Variants in CFAP54 observed in about 807,000 individuals in gnomAD.
The protein encoded by CFAP54 is cilia and flagella associated protein 54, also known as cilia- and flagella-associated protein 54.
In CFAP54, 290 loss-of-function variants were observed where a neutral mutation model predicts 370.4. The observed-to-expected ratio is 0.78, with a 90% CI of 0.71 to 0.86. CFAP54 has a LOEUF of 0.86. Ranked by LOEUF, CFAP54 falls within the 40% of genes least tolerant of loss-of-function variation. The pLI is 0.00. For missense variants in CFAP54, 3,399 were observed against 3,528.7 expected (o/e 0.96, Z 0.93); for synonymous variants, 1,206 against 1,236.5 (o/e 0.98, Z 0.52).
intron 26 of CFAP54, among the ~76,000 whole-genome samples, chr12:96,608,308 TACACACAC>T (rs5800256): frequency 1.7e-4 from 26 of 150,790 alleles, no homozygotes; most frequent in African/African-American, 3.2e-4. Flanking sequence ...CATATATATA[TACACACAC>T]ACACACACAC....
At chr12:96,583,571 A>G (rs1255629851) in intron 22 of CFAP54, among the ~76,000 whole-genome samples, 1 of 152,242 alleles carries the variant, frequency 6.6e-6, no homozygotes, top group Non-Finnish European at 1.5e-5. Flanking sequence ...TCCACTTATT[A>G]TAATAACTCC....
chr12:96,646,956 G>A (rs879572034), intron 33 of CFAP54: 1 of 152,120 alleles, frequency 6.6e-6, no homozygotes, highest in Non-Finnish European at 1.5e-5. Context: ...CTGTTATGGG[G>A]TGGTGGGAGT....
At chr12:96,595,979 G>C (rs1565907760) in intron 25 of CFAP54, among the ~76,000 whole-genome samples, 1 of 152,086 alleles carries the variant, frequency 6.6e-6, no homozygotes, top group Non-Finnish European at 1.5e-5. Context: ...CATTAAGTCT[G>C]AGTAACATGA....
chr12:96,716,501 C>A (rs1565951964), intron 48 of CFAP54, among the ~76,000 whole-genome samples: 1 of 152,182 alleles, frequency 6.6e-6, no homozygotes, highest in Non-Finnish European at 1.5e-5. Flanking sequence ...TTCTGTTTCC[C>A]ATTTGAGTTT....
rs1274735883 is a variant in CFAP54, at chr12:96,765,073, G to A, written c.8140-4G>A. ...TATAATTCTAATTTATGCATTAATT[G>A]TAGGTCAGTGAAGCTGTGCTGGCAA... On this transcript the variant is annotated splice_region_variant and splice_polypyrimidine_tract_variant and intron_variant, in intron 59 of 67. Coordinates refer to ENST00000524981, the MANE Select transcript of CFAP54 (RefSeq NM_001306084.2). The A allele has an allele frequency of 7.0e-7, 1 of 1,426,644 alleles. No homozygotes were observed. Among genetic ancestry groups the A allele is most frequent in the South Asian group, 1.8e-5 (1 of 54,590 alleles). The allele number at this position is 1,426,644 out of a possible 1,614,324, so 88.4% of individuals were successfully genotyped here. A position where few individuals can be genotyped will look rare whatever the true frequency, so the allele number is the denominator to read the frequency against.
rs768021891 is a variant in CFAP54 at position 96,757,603 on chromosome 12, T to C, written c.8040+15T>C. On this transcript the variant is annotated intron_variant, in intron 58 of 67. Transcript: ENST00000524981. ...TAACACTTAAGGTAAGAGTCTATTT[T>C]ATTAGAAATTATGAGTTAATTGCCT... 4.1e-6 allele frequency: 6 copies of C among 1,460,888 alleles called. No individual in the cohort carries two copies. The East Asian group carries it at 1.4e-4, about 33-fold the overall frequency. 90.5% of individuals were successfully genotyped at this position (1,460,888 alleles called of 1,614,324 possible).
In CFAP54 at chr12:96,738,884, A is replaced by G. The variant is rs180695570; in HGVS notation, c.6966-1072A>G. On this transcript the variant is annotated intron_variant, in intron 50 of 67. Transcript: ENST00000524981. ...CTCAGCCTCCCAAAGTGCTGGGATTACAGGCGTGAGCCACTGCACCCGGCC... is the reference window on the plus strand; with the variant it reads ...CTCAGCCTCCCAAAGTGCTGGGATTGCAGGCGTGAGCCACTGCACCCGGCC... Among the ~76,000 whole-genome samples, 856 of 152,308 alleles carry G rather than the reference A, an allele frequency of 5.6e-3. 8 individuals carry two copies. The highest frequency in any genetic ancestry group is 0.019 in the African/African-American group (807 of 41,572).
rs1459289603 is a variant in CFAP54 at position 96,554,259 on chromosome 12, G to A, written c.2232G>A (p.Met744Ile). 3.3e-6 allele frequency: 5 copies of A among 1,528,980 alleles called. No individual in the cohort carries two copies. In the South Asian group the frequency reaches 6.0e-5, roughly 18 times the overall value. The allele number at this position is 1,528,980 out of a possible 1,614,324, so 94.7% of individuals were successfully genotyped here. ...RAIGGINLNC[M>I]LTSLPNGSSV... is the part of the protein sequence containing the mutation. ...TCGGTGGAATAAATTTGAATTGCATGTTAACCTCTTTGCCAAATGGATCAT... is the reference window on the plus strand; with the variant it reads ...TCGGTGGAATAAATTTGAATTGCATATTAACCTCTTTGCCAAATGGATCAT... Residue 744 changes from methionine to isoleucine, a missense_variant, in exon 16 of 68, where the codon ATG becomes ATA. Physicochemically the swap from Met to Ile is conservative, Grantham distance 10 (BLOSUM62 1). Coordinates refer to ENST00000524981, the MANE Select transcript of CFAP54 (RefSeq NM_001306084.2).
intron 56 of CFAP54, among the ~76,000 whole-genome samples, chr12:96,755,026 G>T (rs1375965363): frequency 2.6e-5 from 4 of 152,140 alleles, no homozygotes; most frequent in Non-Finnish European, 5.9e-5. Flanking sequence ...TTGCAAGCAT[G>T]AGCCACCAGG....
chr12:96,580,164 ATCT>A (rs1401740472), intron 20 of CFAP54, among the ~76,000 whole-genome samples: 2 of 150,836 alleles, frequency 1.3e-5, no homozygotes, highest in African/African-American at 2.5e-5. Context: ...TTGAGTGTTA[ATCT>A]TTTTTTTTAC....
intron 12 of CFAP54, among the ~76,000 whole-genome samples, chr12:96,537,304 C>G (rs1232078062): frequency 6.6e-6 from 1 of 152,070 alleles, no homozygotes; most frequent in Admixed American, 6.6e-5. Flanking sequence ...CTCCCCATTG[C>G]TTCTCTAGTT....
At chr12:96,495,071 A>G (rs1052082165) in intron 1 of CFAP54, among the ~76,000 whole-genome samples, 1 of 152,164 alleles carries the variant, frequency 6.6e-6, no homozygotes, top group East Asian at 1.9e-4. Context: ...CCTTATAACT[A>G]TGGAAACTTC....
intron 39 of CFAP54, among the ~76,000 whole-genome samples, chr12:96,673,809 T>C (rs1565937853): frequency 6.6e-6 from 1 of 152,222 alleles, no homozygotes; most frequent in Non-Finnish European, 1.5e-5. Flanking sequence ...CATTTAATTC[T>C]TCAGAATAGA....
At chr12:96,811,930 G>A (rs1958932593) in intron 64 of CFAP54, 88 bp downstream of exon 64, 3 of 721,372 alleles carry the variant, frequency 4.2e-6, no homozygotes, top group South Asian at 2.1e-5. Context: ...GTGTAGCATA[G>A]GAGACCTGCT....
At chr12:96,507,943 AGAGAT>A (rs2136354729) in intron 4 of CFAP54, among the ~76,000 whole-genome samples, 1 of 152,222 alleles carries the variant, frequency 6.6e-6, no homozygotes, top group African/African-American at 2.4e-5. Context: ...ATCATCCTCC[AGAGAT>A]TCGATGTTAC....
intron 26 of CFAP54, among the ~76,000 whole-genome samples, chr12:96,603,336 G>C (rs1956264567): frequency 6.6e-6 from 1 of 152,200 alleles, no homozygotes. Context: ...CTGTTAGTCT[G>C]ATGGGTTTCC....
At chr12:96,824,653 G>A (rs772147360) in intron 65 of CFAP54, among the ~76,000 whole-genome samples, 7 of 152,084 alleles carry the variant, frequency 4.6e-5, no homozygotes, top group Non-Finnish European at 1.0e-4. Flanking sequence ...GACTAGTGCT[G>A]GGTAGTCTGC....
chr12:96,794,951 C>T (rs958619205), intron 63 of CFAP54, among the ~76,000 whole-genome samples: 1 of 152,152 alleles, frequency 6.6e-6, no homozygotes, highest in African/African-American at 2.4e-5. Context: ...GTGGTGTTCT[C>T]CCCCTTCCCC....
Position 96,764,262 on chromosome 12 carries a change from T to G in CFAP54, c.8139+13T>G, listed in dbSNP as rs1233916841. 6.3e-7 allele frequency: 1 copy of G among 1,590,960 alleles called. No individual in the cohort carries two copies. The highest frequency in any genetic ancestry group is 8.6e-7 in the Non-Finnish European group (1 of 1,161,546). On this transcript the variant is annotated intron_variant, in intron 59 of 67. Transcript: ENST00000524981. ...AGCTGCTGCACAGGTTGGTGTGATT[T>G]TTGTTTAATCTTTCTTCTTACTGTC...
Sources: allele counts gnomAD v4.1 joint callset (sites outside exome capture counted in the v4.1 genomes callset), GRCh38; gene constraint gnomAD v4.1.1; transcripts MANE v1.5; gene names NCBI Gene and HGNC (gene_info 2026-07-23, HGNC 2026-07-21).